PDCD1LG2: variants seen among roughly 807,000 people sequenced by gnomAD.
PDCD1LG2 encodes the protein B7 dendritic cell molecule.
Under a neutral mutation model 28.2 loss-of-function variants are expected in PDCD1LG2, and 32 were observed. That is an observed-to-expected ratio of 1.13 (90% CI 0.86 to 1.52). The LOEUF (loss-of-function observed/expected upper bound fraction) is 1.52, where lower values mean the gene tolerates loss of function less well. Among genes scored for constraint, PDCD1LG2 ranks in the 40% most tolerant of loss-of-function variants. The pLI, the probability that PDCD1LG2 is intolerant of heterozygous loss-of-function variation, is 0.00. For missense variants in PDCD1LG2, 385 were observed against 323.8 expected (o/e 1.19, Z -1.45); for synonymous variants, 116 against 120.2 (o/e 0.97, Z 0.23).
rs1816724106 is a variant in PDCD1LG2 at position 5,569,199 on chromosome 9, T to C, written c.817-755T>C. 2.6e-5 allele frequency among the ~76,000 whole-genome samples: 4 copies of C among 152,160 alleles called. No homozygotes were observed. Among genetic ancestry groups the C allele is most frequent in the Non-Finnish European group, 5.9e-5 (4 of 68,020 alleles). On this transcript the variant is annotated intron_variant, in intron 6 of 6. Transcript: ENST00000397747. The surrounding 1 kb of genome is among the most constrained non-coding windows in gnomAD (Gnocchi z 4.1). ...AGATCCTAGCAGGAAATGGAGGGTATGCTTAGAAGAGGTAACTGAGGCAAG... is the reference window on the plus strand; with the variant it reads ...AGATCCTAGCAGGAAATGGAGGGTACGCTTAGAAGAGGTAACTGAGGCAAG...
rs2129922004 is a variant in PDCD1LG2 at position 5,557,696 on chromosome 9, T to A, written c.710T>A (p.Ile237Lys). The part of the protein sequence containing the change: ...IPFCIIAFIF[I>K]ATVIALRKQL... ...TTCTGCATCATTGCTTTCATTTTCA[T>A]AGCCACAGTGATAGCCCTAAGAAAA... The change falls in exon 5 of 7, where the codon ATA becomes AAA. Residue 237 changes from isoleucine (I) to lysine (K), a missense_variant. Ile to Lys is a moderately radical substitution (Grantham distance 102). Transcript: ENST00000397747. 1 of 1,613,892 alleles carries A rather than the reference T, an allele frequency of 6.2e-7. No individual in the cohort carries two copies. Among genetic ancestry groups the A allele is most frequent in the East Asian group, 2.2e-5 (1 of 44,878 alleles).
At position 5,570,589 on chromosome 9, in the gene PDCD1LG2, G is replaced by A. The variant is rs1586825818; in HGVS notation, c.*630G>A. The stretch of plus-strand genomic sequence containing the variant: ...AAAGTCATCAAGCTCTGTTTTTGAG[G>A]TCTAAGTCACAAAGCATTTGTTTTA... On this transcript the variant is annotated 3_prime_UTR_variant, in exon 7 of 7. Transcript: ENST00000397747. 3 of 232,546 alleles carry A rather than the reference G, an allele frequency of 1.3e-5. No individual in the cohort carries two copies. The highest frequency in any genetic ancestry group is 1.3e-3 in the Middle Eastern group (1 of 784). The allele number at this position is 232,546 out of a possible 1,614,324, so 14.4% of individuals were successfully genotyped here. A position where few individuals can be genotyped will look rare whatever the true frequency, so the allele number is the denominator to read the frequency against.
At chr9:5,512,337 C>A (rs958036217) in intron 1 of PDCD1LG2, among the ~76,000 whole-genome samples, 7 of 152,226 alleles carry the variant, frequency 4.6e-5, no homozygotes, top group Non-Finnish European at 7.3e-5. Context: ...GAAAGGTTAT[C>A]TAGCCCCAGT....
intron 1 of PDCD1LG2, among the ~76,000 whole-genome samples, chr9:5,516,145 G>A (rs112802536): frequency 0.018 from 2,762 of 151,802 alleles, 103 homozygotes; most frequent in African/African-American, 0.064. Context: ...TCTGCCTCCC[G>A]GGTTCAAGCG....
chr9:5,552,193 C>T lies in PDCD1LG2; in HGVS notation c.631+2589C>T, dbSNP rs561445613. The stretch of plus-strand genomic sequence containing the variant: ...AATCAGCGGACCCCTGAGTTCCAGA[C>T]ATACTCTTCCTTGTCTCCATTATGT... On this transcript the variant is annotated intron_variant, in intron 4 of 6. Transcript: ENST00000397747. Among the ~76,000 whole-genome samples the T allele has an allele frequency of 2.9e-4, 44 of 152,332 alleles. No homozygotes were observed. In the South Asian group the frequency reaches 6.0e-3, roughly 21 times the overall value.
At chr9:5,567,527 CAA>C (rs1182685893) in intron 6 of PDCD1LG2, among the ~76,000 whole-genome samples, 1 of 152,166 alleles carries the variant, frequency 6.6e-6, no homozygotes, top group Non-Finnish European at 1.5e-5. Flanking sequence ...CTATCCTTTA[CAA>C]AATAGTTATT....
intron 1 of PDCD1LG2, among the ~76,000 whole-genome samples, chr9:5,518,488 C>CTTAAGTG (rs1820209858): frequency 1.3e-5 from 2 of 152,290 alleles, no homozygotes; most frequent in South Asian, 4.1e-4. Flanking sequence ...CTGGCAAGTG[C>CTTAAGTG]CAGGCCTGTT....
At chr9:5,521,973 C>A (rs890037808) in intron 1 of PDCD1LG2, among the ~76,000 whole-genome samples, 18 of 152,168 alleles carry the variant, frequency 1.2e-4, no homozygotes, top group African/African-American at 3.4e-4. Flanking sequence ...CCCTACTCTC[C>A]CTGTCTAAAC....
At chr9:5,527,333 C>T (rs1197807516) in intron 2 of PDCD1LG2, among the ~76,000 whole-genome samples, 1 of 152,196 alleles carries the variant, frequency 6.6e-6, no homozygotes, top group Non-Finnish European at 1.5e-5. Context: ...AGTCTTAAGT[C>T]CAGGCACTTA....
chr9:5,533,426 C>T (rs992444609), intron 2 of PDCD1LG2, among the ~76,000 whole-genome samples: 1 of 152,062 alleles, frequency 6.6e-6, no homozygotes, highest in African/African-American at 2.4e-5. Context: ...ATCATTTGCA[C>T]TGGTAAATAG....
intron 3 of PDCD1LG2, among the ~76,000 whole-genome samples, chr9:5,547,936 CAAAAAA>C (rs1165268333): frequency 1.6e-5 from 1 of 60,872 alleles, no homozygotes; most frequent in South Asian, 6.0e-4. Flanking sequence ...AACTCTGTCT[CAAAAAA>C]AAAAAAAAAA....
At chr9:5,558,138 T>C (rs1816484130) in intron 5 of PDCD1LG2, among the ~76,000 whole-genome samples, 1 of 152,110 alleles carries the variant, frequency 6.6e-6, no homozygotes, top group South Asian at 2.1e-4. Flanking sequence ...TTCACCCCTC[T>C]TTTCCCCAGT....
intron 1 of PDCD1LG2, among the ~76,000 whole-genome samples, chr9:5,513,172 G>A (rs770401348): frequency 3.3e-5 from 5 of 152,226 alleles, no homozygotes; most frequent in Non-Finnish European, 7.3e-5. Context: ...AGCTCTGCCT[G>A]GCATTAAGCT....
At chr9:5,536,641 A>G (rs1234258615) in intron 3 of PDCD1LG2, among the ~76,000 whole-genome samples, 3 of 152,152 alleles carry the variant, frequency 2.0e-5, no homozygotes, top group Non-Finnish European at 2.9e-5. Context: ...CCATTCTCTC[A>G]AACTGAGAAC....
At chr9:5,566,935 T>C (rs1333306004) in intron 6 of PDCD1LG2, among the ~76,000 whole-genome samples, 1 of 152,196 alleles carries the variant, frequency 6.6e-6, no homozygotes, top group Non-Finnish European at 1.5e-5. Flanking sequence ...AAAACAGAAG[T>C]AAAAATATGA....
intron 2 of PDCD1LG2, among the ~76,000 whole-genome samples, chr9:5,523,966 G>A (rs1284092659): frequency 1.3e-5 from 2 of 152,156 alleles, no homozygotes; most frequent in African/African-American, 2.4e-5. Flanking sequence ...TACAGAGGAA[G>A]GATCTTTTCT....
chr9:5,514,772 GAAAAAAAA>G (rs60002651), intron 1 of PDCD1LG2, among the ~76,000 whole-genome samples: 13 of 62,382 alleles, frequency 2.1e-4, no homozygotes, highest in African/African-American at 5.9e-4. Flanking sequence ...AGTCTCTAAA[GAAAAAAAA>G]AAAAAAAAAA....
chr9:5,569,817 GAA>G lies in PDCD1LG2; in HGVS notation c.817-134_817-133del. The G allele has an allele frequency of 1.2e-6, 1 of 834,004 alleles. No homozygotes were observed. Among genetic ancestry groups the G allele is most frequent in the South Asian group, 1.6e-5 (1 of 62,140 alleles). 51.7% of individuals were successfully genotyped at this position (834,004 alleles called of 1,614,324 possible). On this transcript the variant is annotated intron_variant, in intron 6 of 6. Coordinates refer to ENST00000397747, the MANE Select transcript of PDCD1LG2 (RefSeq NM_025239.4). The surrounding 1 kb of genome is among the most constrained non-coding windows in gnomAD (Gnocchi z 4.1). ...AAAACTGTGGAAAGAAGTTTTAAAT[GAA>G]AAGTTTTAAACCATGCGGCTTCCAG...
intron 1 of PDCD1LG2, among the ~76,000 whole-genome samples, chr9:5,522,253 T>C (rs1030628463): frequency 6.6e-6 from 1 of 152,204 alleles, no homozygotes; most frequent in African/African-American, 2.4e-5. Flanking sequence ...TAACTGCCAA[T>C]ATGTGTGGTT....
Sources: gnomAD v4.1 joint callset for allele counts (sites outside exome capture counted in the v4.1 genomes callset) on GRCh38, gnomAD v4.1.1 for gene constraint, Gnocchi (gnomAD v3.1) non-coding constraint, MANE v1.5 for transcripts, NCBI Gene and HGNC (gene_info 2026-07-23, HGNC 2026-07-21) for gene names.